The following C8orf34 variants were observed in gnomAD, a reference collection of about 807,000 sequenced individuals.
C8orf34 encodes the protein uncharacterized protein C8orf34.
A neutral mutation model predicts 68.3 loss-of-function variants in C8orf34; 65 were observed. The observed-to-expected ratio is 0.95, with a 90% CI of 0.78 to 1.17. C8orf34 has a LOEUF of 1.17. Ranked by LOEUF, C8orf34 falls within the 50% of genes most tolerant of loss-of-function variation. The probability of loss-of-function intolerance (pLI) is 0.00; values close to 1 mark genes in which losing one functional copy is unlikely to be tolerated. For missense variants in C8orf34, 664 were observed against 655.4 expected (o/e 1.01, Z -0.14); for synonymous variants, 244 against 241.2 (o/e 1.01, Z -0.11).
intron 1 of C8orf34, among the ~76,000 whole-genome samples, chr8:68,419,091 G>C (rs1015609838): frequency 3.3e-5 from 5 of 151,820 alleles, no homozygotes; most frequent in Non-Finnish European, 7.4e-5. Context: ...ATCTGACAAA[G>C]GGCTAATATC....
intron 8 of C8orf34, among the ~76,000 whole-genome samples, chr8:68,652,295 A>T (rs1819385738): frequency 1.3e-5 from 2 of 152,204 alleles, no homozygotes; most frequent in Non-Finnish European, 2.9e-5. Flanking sequence ...TGTAAGAATT[A>T]TTTATACATT....
At chr8:68,438,528 T>G (rs908994427) in intron 1 of C8orf34, 2 of 152,120 alleles carry the variant, frequency 1.3e-5, no homozygotes, top group Admixed American at 6.5e-5. Context: ...AATATCTGAT[T>G]TTTTGAGCAC....
At chr8:68,376,216 G>T (rs202151602) in intron 1 of C8orf34, among the ~76,000 whole-genome samples, 2 of 58,740 alleles carry the variant, frequency 3.4e-5, no homozygotes, top group Non-Finnish European at 6.7e-5. Flanking sequence ...TAAAATAAAA[G>T]TTGATAAATA....
chr8:68,622,287 C>A (rs986913396), intron 7 of C8orf34, among the ~76,000 whole-genome samples: 13 of 152,176 alleles, frequency 8.5e-5, no homozygotes, highest in Admixed American at 8.5e-4. Flanking sequence ...AACTTGACAG[C>A]ATTCTTCAGT....
chr8:68,811,137 G>A (rs1225491972), intron 12 of C8orf34, among the ~76,000 whole-genome samples: 1 of 152,290 alleles, frequency 6.6e-6, no homozygotes, highest in South Asian at 2.1e-4. Flanking sequence ...GCACCCCCTC[G>A]ACCCTTCTCC....
At chr8:68,455,434 G>C (rs143717351) in intron 3 of C8orf34, among the ~76,000 whole-genome samples, 1 of 152,142 alleles carries the variant, frequency 6.6e-6, no homozygotes, top group East Asian at 1.9e-4. Context: ...GTGTTTATAT[G>C]TTTATAATTA....
In C8orf34 at chr8:68,426,174, T is replaced by G. The variant is rs932095677; in HGVS notation, c.328-13325T>G. Among the ~76,000 whole-genome samples, 7 of 152,160 alleles carry G rather than the reference T, an allele frequency of 4.6e-5. No homozygotes were observed. The South Asian group carries it at 1.5e-3, about 32-fold the overall frequency. On this transcript the variant is annotated intron_variant, in intron 1 of 13. Coordinates refer to ENST00000518698, the MANE Select transcript of C8orf34 (RefSeq NM_052958.4). ...ATGACTAATAAATAAAATTGATAAATAAGACCACATCAAAATTTAAAACTT... is the reference window on the plus strand; with the variant it reads ...ATGACTAATAAATAAAATTGATAAAGAAGACCACATCAAAATTTAAAACTT...
At chr8:68,449,660 T>C (rs1811264592) in intron 3 of C8orf34, among the ~76,000 whole-genome samples, 1 of 152,124 alleles carries the variant, frequency 6.6e-6, no homozygotes, top group African/African-American at 2.4e-5. Context: ...ACATTATGTA[T>C]AAGAAAACAA....
intron 1 of C8orf34, among the ~76,000 whole-genome samples, chr8:68,347,606 C>G (rs1806336963): frequency 6.6e-6 from 1 of 152,130 alleles, no homozygotes; most frequent in Non-Finnish European, 1.5e-5. Context: ...CTTTTCTCCA[C>G]AACCTCACCA....
intron 1 of C8orf34, among the ~76,000 whole-genome samples, chr8:68,336,648 A>G (rs1407522179): frequency 6.6e-6 from 1 of 152,174 alleles, no homozygotes; most frequent in African/African-American, 2.4e-5. Context: ...AACTCTGTCT[A>G]CTGGAAGGGC....
At chr8:68,501,366 G>A (rs571158540) in intron 5 of C8orf34, among the ~76,000 whole-genome samples, 1 of 152,230 alleles carries the variant, frequency 6.6e-6, no homozygotes, top group African/African-American at 2.4e-5. Flanking sequence ...GTGTGTCCTG[G>A]GCGCCCCGGC....
At chr8:68,657,372 A>AT (rs1233316216) in intron 8 of C8orf34, among the ~76,000 whole-genome samples, 3 of 152,140 alleles carry the variant, frequency 2.0e-5, no homozygotes, top group Non-Finnish European at 4.4e-5. Context: ...TGTCCTTATA[A>AT]AAGAGGCCTA....
intron 7 of C8orf34, among the ~76,000 whole-genome samples, chr8:68,597,813 C>G (rs1222294218): frequency 2.0e-5 from 3 of 152,078 alleles, no homozygotes; most frequent in African/African-American, 7.2e-5. Context: ...CATGGTCTGA[C>G]AGCCAGTAGC....
chr8:68,459,821 A>G lies in C8orf34; in HGVS notation c.608-8871A>G, dbSNP rs150468920. Among the ~76,000 whole-genome samples the G allele has an allele frequency of 2.1e-3, 324 of 152,324 alleles. 1 individual carries two copies. Among genetic ancestry groups the G allele is most frequent in the African/African-American group, 7.0e-3 (292 of 41,576 alleles). On this transcript the variant is annotated intron_variant, in intron 3 of 13. Transcript: ENST00000518698. Reference sequence around the variant, plus strand: ...GTGCAGGGTGAGAGCCAAGATGGCCAAATAGGAACAGCTCCGGTCTACAGC... The same window carrying G: ...GTGCAGGGTGAGAGCCAAGATGGCCGAATAGGAACAGCTCCGGTCTACAGC...
intron 7 of C8orf34, among the ~76,000 whole-genome samples, chr8:68,540,488 C>G (rs1815657004): frequency 6.6e-6 from 1 of 151,890 alleles, no homozygotes; most frequent in Non-Finnish European, 1.5e-5. Context: ...TAAGTGCTCT[C>G]ATATGCTGTC....
chr8:68,609,493 G>A (rs149234245), intron 7 of C8orf34, among the ~76,000 whole-genome samples: 39 of 152,278 alleles, frequency 2.6e-4, no homozygotes, highest in African/African-American at 8.7e-4. Context: ...CAAGAAATTG[G>A]TGTGGTCACA....
intron 10 of C8orf34, among the ~76,000 whole-genome samples, chr8:68,744,878 T>A (rs1443255874): frequency 1.3e-5 from 2 of 152,062 alleles, no homozygotes; most frequent in Non-Finnish European, 2.9e-5. Flanking sequence ...CAGGAAATAC[T>A]GAGAACTCCA....
intron 12 of C8orf34, among the ~76,000 whole-genome samples, chr8:68,808,899 T>C (rs941738727): frequency 6.6e-6 from 1 of 151,560 alleles, no homozygotes; most frequent in Non-Finnish European, 1.5e-5. Flanking sequence ...TTCTTACTCC[T>C]TTATATAGTT....
chr8:68,347,794 C>T (rs1232036704), intron 1 of C8orf34, among the ~76,000 whole-genome samples: 1 of 151,970 alleles, frequency 6.6e-6, no homozygotes, highest in Admixed American at 6.6e-5. Flanking sequence ...GTCCTTTGCC[C>T]ACTTTTTAAT....
Sources: allele counts gnomAD v4.1 joint callset (sites outside exome capture counted in the v4.1 genomes callset), GRCh38; gene constraint gnomAD v4.1.1; transcripts MANE v1.5; gene names NCBI Gene and HGNC (gene_info 2026-07-23, HGNC 2026-07-21).